The following ASXL3 variants were observed in gnomAD, a reference collection of about 807,000 sequenced individuals.
The protein encoded by ASXL3 is ASXL transcriptional regulator 3, also known as putative Polycomb group protein ASXL3.
Under a neutral mutation model 170.6 loss-of-function variants are expected in ASXL3, and 34 were observed. The ratio of observed to expected loss-of-function variants is 0.20; its 90% CI spans 0.15 to 0.27. The LOEUF (loss-of-function observed/expected upper bound fraction) is 0.27, where lower values mean the gene tolerates loss of function less well. Ranked by LOEUF, ASXL3 falls within the 10% of genes least tolerant of loss-of-function variation. The pLI, the probability that ASXL3 is intolerant of heterozygous loss-of-function variation, is 1.00. For missense variants in ASXL3, 2,592 were observed against 2,695.3 expected, an observed-to-expected ratio of 0.96 and a Z score of 0.85; for synonymous variants, 1,002 against 989.1, an observed-to-expected ratio of 1.01 and a Z score of -0.24.
intron 4 of ASXL3, among the ~76,000 whole-genome samples, chr18:33,647,116 A>G (rs1382601024): frequency 3.3e-5 from 5 of 152,112 alleles, no homozygotes; most frequent in Non-Finnish European, 5.9e-5. Context: ...CAGTAGACTC[A>G]TAGGAATCAG....
intron 8 of ASXL3, 106 bp from the exon 9 acceptor site, chr18:33,731,862 T>C: frequency 1.4e-6 from 1 of 725,018 alleles, no homozygotes; most frequent in Non-Finnish European, 2.3e-6. Flanking sequence ...TTCCTCCTCC[T>C]CACACATACA....
chr18:33,739,239 C>T lies in ASXL3; in HGVS notation c.1835C>T (p.Ser612Phe). 1.2e-6 allele frequency: 2 copies of T among 1,613,872 alleles called. No homozygotes were observed. The highest frequency in any genetic ancestry group is 1.7e-6 in the Non-Finnish European group (2 of 1,179,852). The change falls in exon 11 of 12, where the codon TCC (serine) becomes TTC (phenylalanine). Residue 612 changes from serine to phenylalanine, a missense_variant. Coordinates refer to ENST00000269197, the MANE Select transcript of ASXL3 (RefSeq NM_030632.3). ...GAAAATGCCTGCATCTCTGAAACGT[C>T]CTTTTCTTCTGAGAGCCCAGAGGGA... is the stretch of plus-strand genomic sequence containing the variant. ...LSENACISET[S>F]FSSESPEGAC...
At chr18:33,675,481 TAAAAC>T (rs371578044) in intron 7 of ASXL3, among the ~76,000 whole-genome samples, 3 of 152,320 alleles carry the variant, frequency 2.0e-5, no homozygotes, top group Admixed American at 1.3e-4. Context: ...CATGCTGAAT[TAAAAC>T]AAATGCTGTA....
intron 2 of ASXL3, among the ~76,000 whole-genome samples, chr18:33,629,290 G>A (rs1393201345): frequency 2.0e-5 from 3 of 152,088 alleles, no homozygotes; most frequent in African/African-American, 7.2e-5. Context: ...ACTATTTCCT[G>A]AAAGCTTTAA....
chr18:33,587,575 C>T (rs1191405951), intron 1 of ASXL3, among the ~76,000 whole-genome samples: 4 of 152,046 alleles, frequency 2.6e-5, no homozygotes, highest in Non-Finnish European at 1.5e-5. Flanking sequence ...GAGATACAGA[C>T]TCACATGAAG....
At chr18:33,693,081 G>A (rs1284006202) in intron 8 of ASXL3, among the ~76,000 whole-genome samples, 1 of 152,194 alleles carries the variant, frequency 6.6e-6, no homozygotes, top group African/African-American at 2.4e-5. Context: ...AATCATGTTG[G>A]GGTTAAGGCT....
At chr18:33,617,593 A>G (rs998220238) in intron 2 of ASXL3, among the ~76,000 whole-genome samples, 4 of 152,192 alleles carry the variant, frequency 2.6e-5, no homozygotes, top group Non-Finnish European at 5.9e-5. Flanking sequence ...CTGCATGTAT[A>G]TTGATGCCTC....
chr18:33,602,806 CAAATA>C (rs2065198078), intron 1 of ASXL3, among the ~76,000 whole-genome samples: 2 of 126,022 alleles, frequency 1.6e-5, no homozygotes, highest in South Asian at 4.6e-4. Context: ...TTTTGAGGAT[CAAATA>C]AAATAACATA....
intron 2 of ASXL3, among the ~76,000 whole-genome samples, chr18:33,616,888 T>C (rs1404637365): frequency 6.6e-6 from 1 of 152,114 alleles, no homozygotes; most frequent in Non-Finnish European, 1.5e-5. Context: ...TAGGACCTCA[T>C]TTATCCTTAA....
Position 33,719,999 on chromosome 18 carries a change from G to A in ASXL3, c.880-11969G>A, listed in dbSNP as rs189075539. 1.4e-4 allele frequency among the ~76,000 whole-genome samples: 21 copies of A among 152,108 alleles called. No homozygotes were observed. The East Asian group carries it at 2.3e-3, about 17-fold the overall frequency. ...TCTATTATTATTGTTGTTAGTTATCGTTTTTATGGAAGAAGAAGTAGATCA... is the reference window on the plus strand; with the variant it reads ...TCTATTATTATTGTTGTTAGTTATCATTTTTATGGAAGAAGAAGTAGATCA... On this transcript the variant is annotated intron_variant, in intron 8 of 11. Transcript: ENST00000269197.
intron 1 of ASXL3, among the ~76,000 whole-genome samples, chr18:33,599,001 T>C (rs1471357692): frequency 6.6e-6 from 1 of 152,164 alleles, no homozygotes; most frequent in African/African-American, 2.4e-5. Context: ...AATGAACTCA[T>C]ATGCATGTTA....
In ASXL3 at chr18:33,744,394, T is replaced by A. The variant is rs2067729547; in HGVS notation, c.4546T>A (p.Cys1516Ser). 1 of 1,613,744 alleles carries A rather than the reference T, an allele frequency of 6.2e-7. No individual in the cohort carries two copies. Among genetic ancestry groups the A allele is most frequent in the South Asian group, 1.1e-5 (1 of 91,070 alleles). Reference protein sequence around the residue: ...RTEASVQPVACPQVSVISRPE... With the variant: ...RTEASVQPVASPQVSVISRPE... ...AGAGGCATCCGTACAGCCCGTGGCGTGTCCTCAGGTGTCTGTGATTAGCAG... is the reference window on the plus strand; with the variant it reads ...AGAGGCATCCGTACAGCCCGTGGCGAGTCCTCAGGTGTCTGTGATTAGCAG... Residue 1516 changes from cysteine (C) to serine (S), a missense_variant, in exon 12 of 12, where the codon TGT (cysteine) becomes AGT (serine). Around this residue, in one of 4 missense-constraint regions of ASXL3, gnomAD observed 2,246 missense variants for 2,219.6 expected, o/e 1.01. Coordinates refer to ENST00000269197, the MANE Select transcript of ASXL3 (RefSeq NM_030632.3).
intron 2 of ASXL3, among the ~76,000 whole-genome samples, chr18:33,624,113 G>T (rs1414957484): frequency 6.6e-6 from 1 of 152,132 alleles, no homozygotes; most frequent in Non-Finnish European, 1.5e-5. Context: ...AGCTGTGATT[G>T]TGCCACTGCA....
chr18:33,602,253 C>T (rs2065191551), intron 1 of ASXL3, among the ~76,000 whole-genome samples: 1 of 152,006 alleles, frequency 6.6e-6, no homozygotes, highest in Non-Finnish European at 1.5e-5. Flanking sequence ...AATTGTCTTC[C>T]ATGAAACCAG....
chr18:33,709,622 G>A (rs1357385011), intron 8 of ASXL3, among the ~76,000 whole-genome samples: 1 of 152,152 alleles, frequency 6.6e-6, no homozygotes, highest in Non-Finnish European at 1.5e-5. Flanking sequence ...ATTAGTACCT[G>A]GGAGGGAGCA....
At chr18:33,687,586 C>A (rs764480914) in intron 8 of ASXL3, among the ~76,000 whole-genome samples, 42 of 152,148 alleles carry the variant, frequency 2.8e-4, no homozygotes, top group Non-Finnish European at 2.9e-4. Flanking sequence ...CGGGTTCATT[C>A]CAGTATTACA....
chr18:33,653,523 G>A (rs565833813), intron 4 of ASXL3, among the ~76,000 whole-genome samples: 3 of 152,156 alleles, frequency 2.0e-5, no homozygotes, highest in Admixed American at 6.5e-5. Context: ...AGAGGAAAGC[G>A]AATACTCTTC....
chr18:33,718,448 T>C (rs2145366028), intron 8 of ASXL3, among the ~76,000 whole-genome samples: 1 of 152,264 alleles, frequency 6.6e-6, no homozygotes, highest in South Asian at 2.1e-4. Context: ...ATGCAGTTAT[T>C]ATCTCCATCG....
At position 33,669,081 on chromosome 18, in the gene ASXL3, T is replaced by C. The variant is rs998534270; in HGVS notation, c.478-1592T>C. ...GACTTAATTGTAATTTAAATTGCTA[T>C]GCTATGTTGCTGTATTCTGTTTTAT... On this transcript the variant is annotated intron_variant, in intron 5 of 11. Transcript: ENST00000269197. 2.0e-5 allele frequency among the ~76,000 whole-genome samples: 3 copies of C among 152,214 alleles called. No individual in the cohort carries two copies. The East Asian group carries it at 5.8e-4, about 29-fold the overall frequency.
Sources: gnomAD v4.1 joint callset for allele counts (sites outside exome capture counted in the v4.1 genomes callset) on GRCh38, gnomAD v4.1.1 for gene constraint, gnomAD v4.1.1 regional missense constraint, MANE v1.5 for transcripts, NCBI Gene and HGNC (gene_info 2026-07-23, HGNC 2026-07-21) for gene names.